SGIP1: variants seen among roughly 807,000 people sequenced by gnomAD.
The protein encoded by SGIP1 is SH3-containing GRB2-like protein 3-interacting protein 1.
Under a neutral mutation model 107.5 loss-of-function variants are expected in SGIP1, and 38 were observed. That is an observed-to-expected ratio of 0.35 (90% CI 0.27 to 0.46). The LOEUF is 0.46. Among genes scored for constraint, SGIP1 ranks in the 20% least tolerant of loss-of-function variants. SGIP1 has a pLI of 1.00. For missense variants in SGIP1, 929 were observed against 1,019.5 expected (o/e 0.91, Z 1.21); for synonymous variants, 365 against 366.1 (o/e 1.00, Z 0.03).
At chr1:66,721,938 A>C (rs920267523) in intron 19 of SGIP1, among the ~76,000 whole-genome samples, 15 of 152,004 alleles carry the variant, frequency 9.9e-5, no homozygotes, top group Admixed American at 6.6e-5. Flanking sequence ...AAATCCTCCC[A>C]TCTTGTTCAA....
intron 7 of SGIP1, among the ~76,000 whole-genome samples, chr1:66,654,175 T>C (rs531279742): frequency 1.3e-5 from 2 of 152,336 alleles, no homozygotes; most frequent in African/African-American, 4.8e-5. Context: ...TTACATTACT[T>C]GCATTATTTT....
At chr1:66,568,512 C>G (rs1158940598) in intron 1 of SGIP1, among the ~76,000 whole-genome samples, 1 of 152,016 alleles carries the variant, frequency 6.6e-6, no homozygotes, top group Admixed American at 6.6e-5. Context: ...ATTGCCCTGG[C>G]TTGAACTTCC....
chr1:66,537,299 T>C (rs2147974859), intron 1 of SGIP1, among the ~76,000 whole-genome samples: 1 of 152,316 alleles, frequency 6.6e-6, no homozygotes, highest in Non-Finnish European at 1.5e-5. Context: ...TTCTGTAGTA[T>C]AAATATGAAA....
chr1:66,588,230 A>G (rs2062950429), intron 1 of SGIP1, among the ~76,000 whole-genome samples: 1 of 152,100 alleles, frequency 6.6e-6, no homozygotes, highest in Non-Finnish European at 1.5e-5. Context: ...AAGAAAATGG[A>G]ATAGCTCCAT....
At position 66,556,405 on chromosome 1, in the gene SGIP1, G is replaced by C. The variant is rs1365291159; in HGVS notation, c.10+22037G>C. Among the ~76,000 whole-genome samples, 5 of 152,220 alleles carry C rather than the reference G, an allele frequency of 3.3e-5. No homozygotes were observed. The East Asian group carries it at 9.7e-4, about 30-fold the overall frequency. On this transcript the variant is annotated intron_variant, in intron 1 of 24. Coordinates refer to ENST00000371037, the MANE Select transcript of SGIP1 (RefSeq NM_032291.4). ...CTTCTCTGGCAAGCTGTCCTAGGCA[G>C]CTCTTCACTGCAAGCCTCTGATCAG... is the stretch of plus-strand genomic sequence containing the variant.
At chr1:66,709,249 G>T (rs1418241849) in intron 18 of SGIP1, among the ~76,000 whole-genome samples, 1 of 149,488 alleles carries the variant, frequency 6.7e-6, no homozygotes, top group African/African-American at 2.5e-5. Flanking sequence ...TCTCATTGGA[G>T]AACTGACTTT....
Position 66,748,517 on chromosome 1 carries a change from T to C in SGIP1, c.*5422T>C, listed in dbSNP as rs535205228. On this transcript the variant is annotated 3_prime_UTR_variant, in exon 25 of 25. Coordinates refer to ENST00000371037, the MANE Select transcript of SGIP1 (RefSeq NM_032291.4). ...ATGTCTATGAGGAAAAGACACCTAT[T>C]TGTTGGCATTGACCATGGGTATAAT... is the stretch of plus-strand genomic sequence containing the variant. Among the ~76,000 whole-genome samples, 1 of 152,134 alleles carries C rather than the reference T, an allele frequency of 6.6e-6. No homozygotes were observed. The highest frequency in any genetic ancestry group is 2.1e-4 in the South Asian group (1 of 4,828).
intron 1 of SGIP1, among the ~76,000 whole-genome samples, chr1:66,617,639 C>T (rs1272726713): frequency 3.3e-5 from 5 of 152,128 alleles, no homozygotes; most frequent in South Asian, 2.1e-4. Flanking sequence ...ATGTGATTCA[C>T]CTTTGAGTAA....
intron 1 of SGIP1, among the ~76,000 whole-genome samples, chr1:66,557,716 A>G (rs2058384568): frequency 6.6e-6 from 1 of 152,158 alleles, no homozygotes; most frequent in African/African-American, 2.4e-5. Context: ...AATTTCCATT[A>G]GGCAAAATAA....
chr1:66,537,352 C>T (rs1179805416), intron 1 of SGIP1, among the ~76,000 whole-genome samples: 1 of 152,074 alleles, frequency 6.6e-6, no homozygotes, highest in Non-Finnish European at 1.5e-5. Flanking sequence ...ATGGAGTGTA[C>T]ATATTGGCTA....
intron 7 of SGIP1, chr1:66,660,216 A>AAAGAAAGAAAGAAAGAAAGG (rs1557505848): frequency 4.0e-6 from 1 of 253,066 alleles, no homozygotes; most frequent in African/African-American, 4.2e-5. Flanking sequence ...AGAAAGAAAG[A>AAAGAAAGAAAGAAAGAAAGG]GAAAGAAAGA....
intron 1 of SGIP1, among the ~76,000 whole-genome samples, chr1:66,538,946 T>C (rs1458089020): frequency 6.6e-6 from 1 of 152,226 alleles, no homozygotes; most frequent in Non-Finnish European, 1.5e-5. Flanking sequence ...TTAGGTATTT[T>C]CAGAAGTTTT....
chr1:66,732,028 T>C (rs1351469446), intron 20 of SGIP1, among the ~76,000 whole-genome samples: 2 of 152,236 alleles, frequency 1.3e-5, no homozygotes, highest in Non-Finnish European at 2.9e-5. Context: ...TTCTTGAATA[T>C]TTATTAAAGC....
intron 3 of SGIP1, among the ~76,000 whole-genome samples, chr1:66,635,526 C>T (rs1280776412): frequency 1.3e-5 from 2 of 152,208 alleles, no homozygotes; most frequent in Non-Finnish European, 2.9e-5. Context: ...GTATTTGTGA[C>T]CCACAGGAAG....
At chr1:66,591,343 C>T (rs879351299) in intron 1 of SGIP1, among the ~76,000 whole-genome samples, 1 of 152,158 alleles carries the variant, frequency 6.6e-6, no homozygotes, top group Middle Eastern at 3.2e-3. Context: ...AACATAAGCC[C>T]GTTAGAATGA....
At chr1:66,648,636 C>T (rs1055102167) in intron 7 of SGIP1, among the ~76,000 whole-genome samples, 3 of 152,178 alleles carry the variant, frequency 2.0e-5, no homozygotes, top group African/African-American at 7.2e-5. Context: ...CCTACCAGGC[C>T]AGAAACCCTA....
intron 21 of SGIP1, among the ~76,000 whole-genome samples, chr1:66,734,221 C>T (rs1163499815): frequency 5.3e-5 from 8 of 152,058 alleles, no homozygotes; most frequent in Admixed American, 3.9e-4. Context: ...CATTACTATA[C>T]TAAAACCTCT....
intron 1 of SGIP1, among the ~76,000 whole-genome samples, chr1:66,534,851 C>A (rs2053208140): frequency 6.6e-6 from 1 of 152,102 alleles, no homozygotes; most frequent in Non-Finnish European, 1.5e-5. Context: ...TTTATCTCTG[C>A]AGTTTACATC....
intron 1 of SGIP1, among the ~76,000 whole-genome samples, chr1:66,543,323 T>A (rs775351646): frequency 1.3e-5 from 2 of 152,170 alleles, no homozygotes; most frequent in Non-Finnish European, 2.9e-5. Flanking sequence ...TCACTGATAT[T>A]TTATGAAAGC....
Sources: gnomAD v4.1 joint callset for allele counts (sites outside exome capture counted in the v4.1 genomes callset) on GRCh38, gnomAD v4.1.1 for gene constraint, MANE v1.5 for transcripts, NCBI Gene and HGNC (gene_info 2026-07-23, HGNC 2026-07-21) for gene names.